The following SIPA1L3 variants were observed in gnomAD, a reference collection of about 807,000 sequenced individuals.
SIPA1L3 encodes signal induced proliferation associated 1 like 3.
In SIPA1L3, 59 loss-of-function variants were observed where a neutral mutation model predicts 150.1. The observed-to-expected ratio is 0.39, with a 90% confidence interval of 0.32 to 0.49. The LOEUF (loss-of-function observed/expected upper bound fraction) is 0.49. SIPA1L3 is among the 20% of genes least tolerant of loss of function. The probability of loss-of-function intolerance (pLI) is 0.86; values close to 1 mark genes in which losing one functional copy is unlikely to be tolerated. For missense variants in SIPA1L3, 2,211 were observed against 2,489.5 expected (o/e 0.89, Z 2.38); for synonymous variants, 1,070 against 1,077.6 (o/e 0.99, Z 0.14).
At chr19:38,181,761 G>A (rs369674928) in intron 15 of SIPA1L3, among the ~76,000 whole-genome samples, 2 of 150,662 alleles carry the variant, frequency 1.3e-5, no homozygotes, top group South Asian at 2.1e-4. Flanking sequence ...CAGGAGAATC[G>A]CTTGAACCCG....
intron 2 of SIPA1L3, among the ~76,000 whole-genome samples, chr19:38,034,024 G>A (rs1409059928): frequency 6.6e-6 from 1 of 152,210 alleles, no homozygotes; most frequent in Admixed American, 6.5e-5. Flanking sequence ...TTGGCTGCCA[G>A]TGTTAGTTTG....
chr19:38,129,917 A>C (rs557694282), intron 9 of SIPA1L3, among the ~76,000 whole-genome samples: 26 of 152,094 alleles, frequency 1.7e-4, no homozygotes, highest in Non-Finnish European at 3.2e-4. Context: ...AAATACAAAA[A>C]TTAGCCAGGC....
rs1970494850 is a variant in SIPA1L3, at chr19:38,101,217, G to A, written c.2020G>A (p.Asp674Asn). Residue 674 changes from aspartate (D) to asparagine (N), a missense_variant, in exon 6 of 22, where the codon GAC becomes AAC. By Grantham distance (23) the Asp-to-Asn change is conservative (BLOSUM62 1). Around this residue, in one of 5 missense-constraint regions of SIPA1L3, gnomAD observed 625 missense variants for 804.2 expected, o/e 0.78. Transcript: ENST00000222345. ...KGFTKYAAQL[D>N]VKTDSTGTHS... Reference sequence around the variant, plus strand: ...CTTCACCAAGTACGCTGCCCAGCTGGACGTCAAGAGTAAGTAGGGGGCCGG... The same window carrying A: ...CTTCACCAAGTACGCTGCCCAGCTGAACGTCAAGAGTAAGTAGGGGGCCGG... The A allele has an allele frequency of 3.2e-6, 5 of 1,562,710 alleles. No homozygotes were observed. The highest frequency in any genetic ancestry group is 4.3e-6 in the Non-Finnish European group (5 of 1,152,894).
rs184834464 is a variant in SIPA1L3 at position 38,036,970 on chromosome 19, C to A, written c.-311+7814C>A. Among the ~76,000 whole-genome samples, 3 of 152,340 alleles carry A rather than the reference C, an allele frequency of 2.0e-5. No individual in the cohort carries two copies. In the East Asian group the frequency reaches 5.8e-4, roughly 29 times the overall value. On this transcript the variant is annotated intron_variant, in intron 2 of 21. Coordinates refer to ENST00000222345, the MANE Select transcript of SIPA1L3 (RefSeq NM_015073.3). ...CTTCCACCTGCACCCAGAACTGTCA[C>A]ACGGTCCTGCCTAACTACAAGGGAC...
At chr19:38,012,651 G>A (rs1473142291) in intron 1 of SIPA1L3, among the ~76,000 whole-genome samples, 1 of 151,542 alleles carries the variant, frequency 6.6e-6, no homozygotes, top group East Asian at 1.9e-4. Context: ...TTCTCATCTG[G>A]CCAAGTCCAT....
At chr19:38,141,054 T>G in intron 10 of SIPA1L3, 130 bp from the exon 11 acceptor site, 2 of 872,240 alleles carry the variant, frequency 2.3e-6, no homozygotes, top group Non-Finnish European at 3.2e-6. Context: ...CAAGACTCTG[T>G]CTCAAAAAAA....
chr19:38,089,045 G>A (rs906532299), intron 4 of SIPA1L3, among the ~76,000 whole-genome samples, 194 bp downstream of exon 4: 1 of 152,110 alleles, frequency 6.6e-6, no homozygotes, highest in African/African-American at 2.4e-5. Context: ...TTCTGGCCAG[G>A]CATGGTGGCT....
intron 2 of SIPA1L3, among the ~76,000 whole-genome samples, chr19:38,034,593 G>T (rs1968737632): frequency 6.6e-6 from 1 of 152,162 alleles, no homozygotes; most frequent in Admixed American, 6.5e-5. Flanking sequence ...TCCAGCAAGG[G>T]CAGAGCCCAG....
rs148573802 is a variant in SIPA1L3, at chr19:37,941,648, G to C, written c.-379+34290G>C. ...CCTTTGACCGGGTGGGGCCTTGCGG[G>C]TGTTTGTCGAAGTAATGAGACTGTG... On this transcript the variant is annotated intron_variant, in intron 1 of 21. Transcript: ENST00000222345. 7.9e-3 allele frequency among the ~76,000 whole-genome samples: 1,201 copies of C among 152,222 alleles called. 19 individuals carry two copies. The highest frequency in any genetic ancestry group is 0.028 in the African/African-American group (1,155 of 41,550).
chr19:37,994,202 G>A (rs756543343), intron 1 of SIPA1L3, among the ~76,000 whole-genome samples: 2 of 152,136 alleles, frequency 1.3e-5, no homozygotes, highest in Non-Finnish European at 2.9e-5. Flanking sequence ...ATGCCTGGCC[G>A]GGAAAAGAAT....
At chr19:38,076,572 T>G (rs1383506228) in intron 2 of SIPA1L3, among the ~76,000 whole-genome samples, 1 of 152,144 alleles carries the variant, frequency 6.6e-6, no homozygotes, top group African/African-American at 2.4e-5. Context: ...TCCCTAGAGG[T>G]TCTCACCTAG....
chr19:38,028,337 A>G (rs1302226321), intron 1 of SIPA1L3, among the ~76,000 whole-genome samples: 1 of 151,430 alleles, frequency 6.6e-6, no homozygotes, highest in Non-Finnish European at 1.5e-5. Context: ...CCCCTCACTC[A>G]CCCCGTGCCA....
At chr19:37,967,722 G>A (rs1277476070) in intron 1 of SIPA1L3, among the ~76,000 whole-genome samples, 1 of 151,966 alleles carries the variant, frequency 6.6e-6, no homozygotes, top group East Asian at 1.9e-4. Context: ...TTCAACTCAT[G>A]ATGGAAAAAA....
intron 13 of SIPA1L3, among the ~76,000 whole-genome samples, chr19:38,159,244 T>C (rs1446087472): frequency 6.6e-6 from 1 of 152,162 alleles, no homozygotes; most frequent in Non-Finnish European, 1.5e-5. Flanking sequence ...TGGCCCTGAG[T>C]GCCCTGCCTG....
At chr19:37,981,306 C>A (rs1368494647) in intron 1 of SIPA1L3, among the ~76,000 whole-genome samples, 1 of 151,780 alleles carries the variant, frequency 6.6e-6, no homozygotes, top group Non-Finnish European at 1.5e-5. Context: ...TGACTGTAGT[C>A]TCAGCTACTC....
chr19:38,014,541 A>G (rs1019261298), intron 1 of SIPA1L3, among the ~76,000 whole-genome samples: 6 of 121,186 alleles, frequency 5.0e-5, no homozygotes, highest in African/African-American at 1.6e-4. Flanking sequence ...CTCACACCAC[A>G]TTCTTTTTTT....
At chr19:37,938,407 A>AT (rs1338008909) in intron 1 of SIPA1L3, among the ~76,000 whole-genome samples, 4 of 152,324 alleles carry the variant, frequency 2.6e-5, no homozygotes, top group African/African-American at 9.6e-5. Context: ...CTCTTTAAAC[A>AT]TCCCACCAAG....
intron 1 of SIPA1L3, among the ~76,000 whole-genome samples, chr19:37,985,118 C>A (rs1349721209): frequency 1.3e-5 from 2 of 151,984 alleles, no homozygotes; most frequent in East Asian, 3.9e-4. Context: ...GAGGCCAAGG[C>A]AGGAGGATCA....
intron 15 of SIPA1L3, among the ~76,000 whole-genome samples, chr19:38,170,091 C>G (rs1327936894): frequency 6.6e-6 from 1 of 151,932 alleles, no homozygotes; most frequent in South Asian, 2.1e-4. Context: ...CCAAAGGGGG[C>G]CCCCCTAACC....
Sources: allele counts gnomAD v4.1 joint callset (sites outside exome capture counted in the v4.1 genomes callset), GRCh38; gene constraint gnomAD v4.1.1; regional missense constraint gnomAD v4.1.1; transcripts MANE v1.5; gene names NCBI Gene and HGNC (gene_info 2026-07-23, HGNC 2026-07-21).